Variants in ZFHX4 observed in about 807,000 individuals in gnomAD.
ZFHX4 encodes zinc finger homeobox 4, also known as zinc finger homeobox protein 4.
In ZFHX4, 56 loss-of-function variants were observed where a neutral mutation model predicts 267.6. That is an observed-to-expected ratio of 0.21 (90% CI 0.17 to 0.26). The LOEUF (loss-of-function observed/expected upper bound fraction) is 0.26, where lower values mean the gene tolerates loss of function less well. Among genes scored for constraint, ZFHX4 ranks in the 10% least tolerant of loss-of-function variants. The pLI, the probability that ZFHX4 is intolerant of heterozygous loss-of-function variation, is 1.00. For synonymous variants in ZFHX4, 1,778 were observed against 1,665.6 expected, an observed-to-expected ratio of 1.07 and a Z score of -1.64; for missense variants, 4,332 against 4,420.0, an observed-to-expected ratio of 0.98 and a Z score of 0.56.
chr8:76,817,298 G>A (rs1243059736), intron 4 of ZFHX4, among the ~76,000 whole-genome samples: 4 of 151,954 alleles, frequency 2.6e-5, no homozygotes, highest in East Asian at 1.9e-4. Flanking sequence ...TTTTTCTTCT[G>A]AGCCTGCTTC....
intron 3 of ZFHX4, among the ~76,000 whole-genome samples, chr8:76,753,589 C>T (rs1428330856): frequency 1.4e-5 from 2 of 145,268 alleles, no homozygotes; most frequent in Non-Finnish European, 3.0e-5. Flanking sequence ...TGATTCTTTT[C>T]AATTGTTTGT....
chr8:76,704,255 G>A lies in ZFHX4; in HGVS notation c.167G>A (p.Arg56His), dbSNP rs192355194. Reference sequence around the variant, plus strand: ...GATGACAACCTGAAAACGGATGAGCGCAAAAGTGAAGCCTTGCTGGGTTTC... The same window carrying A: ...GATGACAACCTGAAAACGGATGAGCACAAAAGTGAAGCCTTGCTGGGTTTC... ...STDDNLKTDE[R>H]KSEALLGFSV... Residue 56 changes from arginine (R) to histidine (H), a missense_variant, in exon 2 of 11, where the codon CGC (arginine) becomes CAC (histidine). Arg to His is a conservative substitution (Grantham distance 29). This residue lies in a region of ZFHX4 where 1,195 missense variants were observed against 1,173.6 expected (regional missense o/e 1.02). Transcript: ENST00000651372. 1.7e-5 allele frequency: 28 copies of A among 1,613,984 alleles called. No individual in the cohort carries two copies. The highest frequency in any genetic ancestry group is 1.6e-4 in the Middle Eastern group (1 of 6,062).
intron 6 of ZFHX4, among the ~76,000 whole-genome samples, chr8:76,843,317 G>C (rs1345628265): frequency 6.6e-6 from 1 of 152,126 alleles, no homozygotes; most frequent in East Asian, 1.9e-4. Context: ...CAGTGAAAAA[G>C]TTTACAGATG....
intron 5 of ZFHX4, among the ~76,000 whole-genome samples, chr8:76,840,635 C>T (rs1340957759): frequency 6.6e-6 from 1 of 152,136 alleles, no homozygotes; most frequent in Non-Finnish European, 1.5e-5. Flanking sequence ...ATTTTATGTA[C>T]CCCCAAGATA....
At chr8:76,856,894 G>A (rs1812744598) in intron 10 of ZFHX4, among the ~76,000 whole-genome samples, 1 of 152,254 alleles carries the variant, frequency 6.6e-6, no homozygotes, top group Admixed American at 6.5e-5. Context: ...ACAGAATTTA[G>A]CATTGCTATA....
At chr8:76,770,462 T>G (rs1339243406) in intron 3 of ZFHX4, among the ~76,000 whole-genome samples, 1 of 152,186 alleles carries the variant, frequency 6.6e-6, no homozygotes, top group Non-Finnish European at 1.5e-5. Flanking sequence ...CTGCCAGTAG[T>G]TGTACCTCTT....
chr8:76,779,969 A>G (rs964731147), intron 4 of ZFHX4, among the ~76,000 whole-genome samples: 1 of 152,154 alleles, frequency 6.6e-6, no homozygotes, highest in South Asian at 2.1e-4. Flanking sequence ...GCTAAGGCAT[A>G]TGATGTGAAC....
intron 3 of ZFHX4, among the ~76,000 whole-genome samples, chr8:76,719,432 C>G (rs573836351): frequency 5.9e-4 from 90 of 151,876 alleles, no homozygotes; most frequent in Admixed American, 9.9e-4. Flanking sequence ...ATCAAAGGAT[C>G]AGAGAACAGG....
chr8:76,733,769 A>G (rs2131667340), intron 3 of ZFHX4, among the ~76,000 whole-genome samples: 1 of 152,272 alleles, frequency 6.6e-6, no homozygotes, highest in East Asian at 1.9e-4. Flanking sequence ...ATGGTCCCCA[A>G]ACCTCAGCAG....
intron 4 of ZFHX4, among the ~76,000 whole-genome samples, chr8:76,807,937 A>T (rs1187103809): frequency 6.6e-6 from 1 of 152,126 alleles, no homozygotes; most frequent in Non-Finnish European, 1.5e-5. Flanking sequence ...TTCTTCATGA[A>T]AACCCTGATA....
chr8:76,822,376 T>C (rs1041377488), intron 4 of ZFHX4, among the ~76,000 whole-genome samples: 2 of 151,892 alleles, frequency 1.3e-5, no homozygotes, highest in African/African-American at 4.8e-5. Context: ...CTCTCTATAA[T>C]TTTATACTTG....
chr8:76,778,490 AT>A, intron 4 of ZFHX4, 51 bp downstream of exon 4: 2 of 1,365,454 alleles, frequency 1.5e-6, no homozygotes, highest in Non-Finnish European at 2.1e-6. Context: ...ACACCACTTC[AT>A]CACACACACA....
At chr8:76,745,195 A>G (rs1809427899) in intron 3 of ZFHX4, among the ~76,000 whole-genome samples, 3 of 152,196 alleles carry the variant, frequency 2.0e-5, no homozygotes, top group Non-Finnish European at 4.4e-5. Flanking sequence ...CATCACACCC[A>G]TGATACTTGA....
intron 4 of ZFHX4, among the ~76,000 whole-genome samples, chr8:76,826,785 A>G (rs1224850652): frequency 1.3e-5 from 2 of 152,244 alleles, no homozygotes; most frequent in East Asian, 3.9e-4. Flanking sequence ...GCTGCACAAC[A>G]TTATACCTAT....
Position 76,707,804 on chromosome 8 carries a change from A to G in ZFHX4, c.2849A>G (p.Tyr950Cys). Residue 950 changes from tyrosine (Y) to cysteine (C), a missense_variant, in exon 3 of 11, where the codon TAC becomes TGC. Tyr to Cys is a radical substitution (Grantham distance 194). Transcript: ENST00000651372. ...GDIYQCKLCN[Y>C]NTQLKANFQL... is the part of the protein sequence containing the mutation. ...ATCTACCAGTGCAAGCTCTGCAACT[A>G]CAACACTCAGCTCAAAGCCAACTTC... 5 of 1,614,178 alleles carry G rather than the reference A, an allele frequency of 3.1e-6. No individual in the cohort carries two copies. Among genetic ancestry groups the G allele is most frequent in the East Asian group, 2.2e-5 (1 of 44,878 alleles).
chr8:76,809,511 T>G (rs1033466731), intron 4 of ZFHX4, among the ~76,000 whole-genome samples: 32 of 152,226 alleles, frequency 2.1e-4, no homozygotes, highest in Admixed American at 2.1e-3. Flanking sequence ...TAAACGAAGG[T>G]ACTTGTAGCT....
intron 4 of ZFHX4, among the ~76,000 whole-genome samples, chr8:76,826,694 C>T (rs1811794524): frequency 6.6e-6 from 1 of 152,036 alleles, no homozygotes. Flanking sequence ...TTGCCAGGGA[C>T]TGAGGGGTAT....
intron 3 of ZFHX4, among the ~76,000 whole-genome samples, chr8:76,719,911 T>C (rs758170642): frequency 1.1e-4 from 16 of 152,160 alleles, no homozygotes; most frequent in Non-Finnish European, 1.9e-4. Context: ...TAAAGTGATA[T>C]GCTACAAAAT....
chr8:76,794,865 G>T (rs1429139507), intron 4 of ZFHX4, among the ~76,000 whole-genome samples: 1 of 147,470 alleles, frequency 6.8e-6, no homozygotes, highest in Non-Finnish European at 1.5e-5. Flanking sequence ...AAGGCGGCTG[G>T]CCTGTCATTG....
Sources: allele counts gnomAD v4.1 joint callset (sites outside exome capture counted in the v4.1 genomes callset), GRCh38; gene constraint gnomAD v4.1.1; regional missense constraint gnomAD v4.1.1; transcripts MANE v1.5; gene names NCBI Gene and HGNC (gene_info 2026-07-23, HGNC 2026-07-21).